PPFIBP2: variants seen among roughly 807,000 people sequenced by gnomAD.
The protein encoded by PPFIBP2 is liprin-beta-2.
A neutral mutation model predicts 118.3 loss-of-function variants in PPFIBP2; 118 were observed. The observed-to-expected ratio is 1.00, with a 90% CI of 0.86 to 1.16. The LOEUF is 1.16. PPFIBP2 is among the 50% of genes most tolerant of loss of function. The pLI is 0.00. For missense variants in PPFIBP2, 1,195 were observed against 1,073.1 expected, an observed-to-expected ratio of 1.11 and a Z score of -1.59; for synonymous variants, 414 against 397.4, an observed-to-expected ratio of 1.04 and a Z score of -0.50.
At chr11:7,590,607 C>G (rs547518974) in intron 3 of PPFIBP2, among the ~76,000 whole-genome samples, 12 of 152,320 alleles carry the variant, frequency 7.9e-5, no homozygotes, top group Non-Finnish European at 1.6e-4. Flanking sequence ...TTTAATTACT[C>G]AATAGAAACA....
the PPFIBP2 span, among the ~76,000 whole-genome samples, chr11:7,664,854 T>C: frequency 7.5e-6 from 1 of 133,686 alleles, no homozygotes; most frequent in Non-Finnish European, 1.5e-5. Context: ...ATACAAAGGA[T>C]TTAAGGCAGT....
chr11:7,629,701 G>A (rs1850505043), intron 10 of PPFIBP2, among the ~76,000 whole-genome samples, 167 bp downstream of exon 10: 2 of 152,190 alleles, frequency 1.3e-5, no homozygotes, highest in Admixed American at 1.3e-4. Context: ...CTTAGCAGTT[G>A]TTGATTTCCA....
intron 2 of PPFIBP2, among the ~76,000 whole-genome samples, chr11:7,559,450 T>C (rs1388620930): frequency 6.6e-6 from 1 of 152,188 alleles, no homozygotes; most frequent in South Asian, 2.1e-4. Flanking sequence ...TGCTGGGCTT[T>C]AGGTGTTGCA....
intron 1 of PPFIBP2, among the ~76,000 whole-genome samples, chr11:7,514,691 A>G (rs903350481): frequency 2.6e-5 from 4 of 152,196 alleles, no homozygotes; most frequent in African/African-American, 9.7e-5. Flanking sequence ...GGACGGTCCT[A>G]TTTAAAAGTG....
intron 15 of PPFIBP2, 21 bp from the exon 16 acceptor site, chr11:7,641,458 A>G: frequency 6.2e-7 from 1 of 1,613,252 alleles, no homozygotes; most frequent in African/African-American, 1.3e-5. Context: ...ATTCACATTC[A>G]TTGCCTTCTT....
chr11:7,573,258 T>C (rs1855860805), intron 3 of PPFIBP2, among the ~76,000 whole-genome samples: 1 of 152,196 alleles, frequency 6.6e-6, no homozygotes, highest in Non-Finnish European at 1.5e-5. Flanking sequence ...AGGCAGTTCA[T>C]TCTGGATGGG....
At position 7,559,198 on chromosome 11, in the gene PPFIBP2, C is replaced by A. The variant is rs922956344; in HGVS notation, c.65-6355C>A. Reference sequence around the variant, plus strand: ...TTAGGCTTGACTGTAAGTTGAATTACCCTTTTCTGAGAAATCTGGGGGGCA... The same window carrying A: ...TTAGGCTTGACTGTAAGTTGAATTAACCTTTTCTGAGAAATCTGGGGGGCA... On this transcript the variant is annotated intron_variant, in intron 2 of 23. Coordinates refer to ENST00000299492, the MANE Select transcript of PPFIBP2 (RefSeq NM_003621.5). 2.6e-5 allele frequency among the ~76,000 whole-genome samples: 4 copies of A among 152,184 alleles called. No individual in the cohort carries two copies. In the South Asian group the frequency reaches 8.3e-4, roughly 32 times the overall value.
At chr11:7,610,630 C>G in intron 6 of PPFIBP2, 1 of 575,858 alleles carries the variant, frequency 1.7e-6, no homozygotes, top group South Asian at 3.0e-5. Flanking sequence ...AGTTTTGGCT[C>G]TAAGGCTTTA....
chr11:7,617,397 C>A, intron 6 of PPFIBP2: 1 of 727,714 alleles, frequency 1.4e-6, no homozygotes, highest in Non-Finnish European at 1.7e-6. Context: ...AGTGGCTTGG[C>A]ATGGATCTGT....
In PPFIBP2 at chr11:7,514,645, T is replaced by A. The variant is rs375367089; in HGVS notation, c.-37+524T>A. Among the ~76,000 whole-genome samples the A allele has an allele frequency of 4.6e-5, 7 of 152,244 alleles. No individual in the cohort carries two copies. The South Asian group carries it at 1.5e-3, about 32-fold the overall frequency. ...CAAAAATACAGCACACTTTTTAAAATCTAAAGCCGCCGCGTCCCAGTAGAC... is the reference window on the plus strand; with the variant it reads ...CAAAAATACAGCACACTTTTTAAAAACTAAAGCCGCCGCGTCCCAGTAGAC... On this transcript the variant is annotated intron_variant, in intron 1 of 23. Coordinates refer to ENST00000299492, the MANE Select transcript of PPFIBP2 (RefSeq NM_003621.5).
intron 1 of PPFIBP2, among the ~76,000 whole-genome samples, chr11:7,543,960 A>G (rs1451144270): frequency 1.3e-5 from 2 of 152,156 alleles, no homozygotes; most frequent in Non-Finnish European, 2.9e-5. Flanking sequence ...TTGCCATTCT[A>G]AAACATGGCT....
chr11:7,604,872 C>A (rs1386197528), intron 5 of PPFIBP2, among the ~76,000 whole-genome samples: 4 of 152,180 alleles, frequency 2.6e-5, no homozygotes, highest in Admixed American at 2.6e-4. Flanking sequence ...GAGCAGGAGC[C>A]ATTCTGAGTT....
rs529585905 is a variant in PPFIBP2 at position 7,606,886 on chromosome 11, A to ATTTTTTTTTTTTTTTTTTTTTTTTTT, written c.487-3388_487-3363dup. 5.8e-5 allele frequency among the ~76,000 whole-genome samples: 3 copies of ATTTTTTTTTTTTTTTTTTTTTTTTTT among 51,440 alleles called. 1 individual carries two copies. Among genetic ancestry groups the ATTTTTTTTTTTTTTTTTTTTTTTTTT allele is most frequent in the African/African-American group, 1.5e-4 (2 of 13,142 alleles). The allele number at this position is 51,440 out of a possible 152,430, so 33.7% of individuals were successfully genotyped here. A position where few individuals can be genotyped will look rare whatever the true frequency, so the allele number is the denominator to read the frequency against. ...CTGATCAGAAGACAAAACTGCATGAATTTTTTTTTTTTTTTTTTTTTTTTT... is the reference window on the plus strand; with the variant it reads ...CTGATCAGAAGACAAAACTGCATGAATTTTTTTTTTTTTTTTTTTTTTTTTTTTTTTTTTTTTTTTTTTTTTTTTTT... On this transcript the variant is annotated intron_variant, in intron 5 of 23. Transcript: ENST00000299492.
At chr11:7,621,148 GACAC>G in intron 7 of PPFIBP2, 121 bp downstream of exon 7, 1 of 723,706 alleles carries the variant, frequency 1.4e-6, no homozygotes. Context: ...CTCCAGTGTG[GACAC>G]ACAGCAGTGC....
At chr11:7,545,703 A>G (rs1172301498) in intron 1 of PPFIBP2, among the ~76,000 whole-genome samples, 5 of 151,998 alleles carry the variant, frequency 3.3e-5, no homozygotes, top group Admixed American at 6.6e-5. Context: ...AAAAAAGTAT[A>G]TATTTGGTCT....
intron 1 of PPFIBP2, among the ~76,000 whole-genome samples, chr11:7,516,732 A>G (rs775091030): frequency 6.6e-6 from 1 of 152,088 alleles, no homozygotes; most frequent in Non-Finnish European, 1.5e-5. Flanking sequence ...CTCTGTCTTC[A>G]AGGGGTACGT....
At chr11:7,531,952 C>T (rs1850728874) in intron 1 of PPFIBP2, among the ~76,000 whole-genome samples, 1 of 152,298 alleles carries the variant, frequency 6.6e-6, no homozygotes, top group East Asian at 1.9e-4. Flanking sequence ...TCTCCTGCTT[C>T]AACCTCCTGA....
At chr11:7,664,650 T>TAA in the PPFIBP2 span, among the ~76,000 whole-genome samples, 4 of 152,004 alleles carry the variant, frequency 2.6e-5, no homozygotes, top group African/African-American at 9.7e-5. Context: ...AAAAATCTGA[T>TAA]AAAGTCGGCA....
In PPFIBP2 at chr11:7,631,049, A is replaced by AGCT. The variant is rs751158201; in HGVS notation, c.1068+21_1068+22insGCT. On this transcript the variant is annotated intron_variant, in intron 11 of 23. Coordinates refer to ENST00000299492, the MANE Select transcript of PPFIBP2 (RefSeq NM_003621.5). ...AAGAGGTACTGTGTTTCCATCCATG[A>AGCT]CGTAGGGTTTCAGCAGGTCCTCCGA... 82 of 1,593,124 alleles carry AGCT rather than the reference A, an allele frequency of 5.1e-5. No individual in the cohort carries two copies. The East Asian group carries it at 7.8e-4, about 15-fold the overall frequency.
Sources: allele counts gnomAD v4.1 joint callset (sites outside exome capture counted in the v4.1 genomes callset), GRCh38; gene constraint gnomAD v4.1.1; transcripts MANE v1.5; gene names NCBI Gene and HGNC (gene_info 2026-07-23, HGNC 2026-07-21).